Variants in STAM observed in about 807,000 individuals in gnomAD.
STAM encodes signal transducing adapter molecule 1.
In STAM, 16 loss-of-function variants were observed where a neutral mutation model predicts 63.4. That is an observed-to-expected ratio of 0.25 (90% CI 0.17 to 0.38). STAM has a LOEUF of 0.38. Ranked by LOEUF, STAM falls within the 10% of genes least tolerant of loss-of-function variation. STAM has a pLI of 1.00. For synonymous variants in STAM, 238 were observed against 223.9 expected (o/e 1.06, Z -0.56); for missense variants, 636 against 657.1 (o/e 0.97, Z 0.35).
chr10:17,658,857 G>T (rs1259894999), intron 1 of STAM, among the ~76,000 whole-genome samples: 3 of 152,174 alleles, frequency 2.0e-5, no homozygotes, highest in African/African-American at 7.2e-5. Context: ...ACATACAGTT[G>T]TGTGTTGTTT....
chr10:17,703,497 A>C (rs1047683070), intron 9 of STAM, among the ~76,000 whole-genome samples: 1 of 152,178 alleles, frequency 6.6e-6, no homozygotes, highest in Non-Finnish European at 1.5e-5. Flanking sequence ...ATAGTAGCAT[A>C]ACCATGTAAA....
At chr10:17,701,067 T>C (rs1835972318) in intron 9 of STAM, among the ~76,000 whole-genome samples, 2 of 152,198 alleles carry the variant, frequency 1.3e-5, no homozygotes, top group Admixed American at 1.3e-4. Flanking sequence ...TGCTCAAAAA[T>C]ATAATATCAA....
chr10:17,702,841 C>T (rs1261280302), intron 9 of STAM, among the ~76,000 whole-genome samples: 3 of 152,096 alleles, frequency 2.0e-5, no homozygotes, highest in East Asian at 3.9e-4. Context: ...AACCCCGTCT[C>T]TACTAAAAAT....
intron 11 of STAM, 145 bp downstream of exon 11, chr10:17,705,169 G>A (rs550695622): frequency 1.3e-5 from 9 of 670,578 alleles, no homozygotes; most frequent in Non-Finnish European, 2.3e-5. Context: ...TAGATGTGGA[G>A]AATTAGACTC....
At chr10:17,704,574 T>A in intron 10 of STAM, 56 bp downstream of exon 10, 5 of 1,398,988 alleles carry the variant, frequency 3.6e-6, no homozygotes, top group Non-Finnish European at 4.0e-6. Flanking sequence ...TAATAACTGG[T>A]GTCCTGTTAA....
At chr10:17,671,097 C>G (rs1554824031) in intron 2 of STAM, among the ~76,000 whole-genome samples, 1 of 152,168 alleles carries the variant, frequency 6.6e-6, no homozygotes, top group Non-Finnish European at 1.5e-5. Flanking sequence ...TTAGTTCATT[C>G]AGCAAAGATT....
At chr10:17,670,629 C>T (rs1369352119) in intron 2 of STAM, among the ~76,000 whole-genome samples, 2 of 152,080 alleles carry the variant, frequency 1.3e-5, no homozygotes, top group Non-Finnish European at 2.9e-5. Context: ...TATCATCGTA[C>T]TGAATTTAAT....
chr10:17,677,090 G>A (rs868947300), intron 2 of STAM, among the ~76,000 whole-genome samples: 7 of 152,110 alleles, frequency 4.6e-5, no homozygotes, highest in East Asian at 1.9e-4. Flanking sequence ...GTTCATCAGC[G>A]CTTCATTCTT....
intron 1 of STAM, among the ~76,000 whole-genome samples, chr10:17,657,034 A>G (rs943855479): frequency 2.0e-5 from 3 of 152,192 alleles, no homozygotes; most frequent in South Asian, 2.1e-4. Flanking sequence ...AGAAAGTTGT[A>G]TGCATGCCCA....
chr10:17,675,690 G>T (rs1198596245), intron 2 of STAM, among the ~76,000 whole-genome samples: 2 of 152,118 alleles, frequency 1.3e-5, no homozygotes. Flanking sequence ...GTCTCTTCTT[G>T]TTCACTACTT....
At chr10:17,709,713 C>G (rs1481654370) in intron 13 of STAM, among the ~76,000 whole-genome samples, 5 of 151,946 alleles carry the variant, frequency 3.3e-5, no homozygotes, top group Non-Finnish European at 7.4e-5. Context: ...GGCACAACTT[C>G]TAGAAACCTT....
chr10:17,666,103 T>C (rs1180072747), intron 2 of STAM, among the ~76,000 whole-genome samples: 1 of 152,232 alleles, frequency 6.6e-6, no homozygotes, highest in African/African-American at 2.4e-5. Flanking sequence ...TTATCTTCAA[T>C]AACAAGTTAA....
At chr10:17,673,512 T>C (rs1478816884) in intron 2 of STAM, among the ~76,000 whole-genome samples, 1 of 152,236 alleles carries the variant, frequency 6.6e-6, no homozygotes, top group Non-Finnish European at 1.5e-5. Flanking sequence ...CAGCAGTTGC[T>C]AAATAATTCT....
intron 8 of STAM, among the ~76,000 whole-genome samples, chr10:17,698,110 A>G (rs1835841128): frequency 6.6e-6 from 1 of 152,172 alleles, no homozygotes; most frequent in Non-Finnish European, 1.5e-5. Flanking sequence ...GAAATTACAG[A>G]TCTTTAAGAA....
At chr10:17,670,676 T>C (rs1834600970) in intron 2 of STAM, among the ~76,000 whole-genome samples, 1 of 152,158 alleles carries the variant, frequency 6.6e-6, no homozygotes, top group Admixed American at 6.5e-5. Context: ...AAGTTTAGTT[T>C]ATCTGCTTTT....
In STAM at chr10:17,696,818, T is replaced by G; in HGVS notation, c.772T>G (p.Leu258Val). ...WKGETHQGIG[L>V]FPSNFVTADL... ...AGGTGAAACCCATCAAGGCATAGGG[T>G]TATTTCCTTCTAATTTTGTGACTGC... The change falls in exon 8 of 14, where the codon TTA (leucine) becomes GTA (valine). Residue 258 changes from leucine (L) to valine (V), a missense_variant. This residue lies in a region of STAM where 532 missense variants were observed against 536.9 expected (regional missense o/e 0.99). Coordinates refer to ENST00000377524, the MANE Select transcript of STAM (RefSeq NM_003473.4). 1 of 1,614,110 alleles carries G rather than the reference T, an allele frequency of 6.2e-7. No homozygotes were observed.
In STAM at chr10:17,708,781, T is replaced by C. The variant is rs1836414694; in HGVS notation, c.1215T>C (p.Tyr405=). The change falls in exon 13 of 14, where the codon TAT becomes TAC. Residue 405 remains tyrosine (Y), a synonymous_variant. Coordinates refer to ENST00000377524, the MANE Select transcript of STAM (RefSeq NM_003473.4). ...TTTCTCTTTAACCATCGCAGGTGTA[T>C]GCAGGGCCTCCTCCAAGTGGTGCCT... is the stretch of plus-strand genomic sequence containing the variant. ...QSSGVSGSQV[Y]AGPPPSGAYL... is the part of the protein sequence containing the mutation. The C allele has an allele frequency of 6.2e-7, 1 of 1,612,912 alleles. No homozygotes were observed. Among genetic ancestry groups the C allele is most frequent in the Admixed American group, 1.7e-5 (1 of 59,914 alleles).
intron 9 of STAM, 110 bp downstream of exon 9, chr10:17,700,389 A>AT (rs1391507691): frequency 2.1e-5 from 17 of 807,468 alleles, no homozygotes; most frequent in African/African-American, 1.8e-4. Flanking sequence ...AAATTTTTGT[A>AT]TTTTTTTATA....
chr10:17,693,635 G>A (rs1835637860), intron 6 of STAM, among the ~76,000 whole-genome samples: 1 of 152,160 alleles, frequency 6.6e-6, no homozygotes, highest in Admixed American at 6.5e-5. Flanking sequence ...CATTATGTTT[G>A]AGATCTATTC....
Sources: gnomAD v4.1 joint callset for allele counts (sites outside exome capture counted in the v4.1 genomes callset) on GRCh38, gnomAD v4.1.1 for gene constraint, gnomAD v4.1.1 regional missense constraint, MANE v1.5 for transcripts, NCBI Gene and HGNC (gene_info 2026-07-23, HGNC 2026-07-21) for gene names.